STPG2: variants seen among roughly 807,000 people sequenced by gnomAD.
STPG2 encodes the protein sperm-tail PG-rich repeat-containing protein 2.
In STPG2, 56 loss-of-function variants were observed where a neutral mutation model predicts 54.2. The observed-to-expected ratio is 1.03, with a 90% CI of 0.83 to 1.29. The LOEUF (loss-of-function observed/expected upper bound fraction) is 1.29, where lower values mean the gene tolerates loss of function less well. Among genes scored for constraint, STPG2 ranks in the 50% most tolerant of loss-of-function variants. STPG2 has a pLI of 0.00. For synonymous variants in STPG2, 200 were observed against 181.8 expected, an observed-to-expected ratio of 1.10 and a Z score of -0.81; for missense variants, 596 against 544.9, an observed-to-expected ratio of 1.09 and a Z score of -0.93.
At position 97,495,807 on chromosome 4, in the gene STPG2, GTAAAA is replaced by G. The variant is rs571117310; in HGVS notation, c.462+216887_462+216891del. Among the ~76,000 whole-genome samples the G allele has an allele frequency of 5.3e-5, 8 of 150,408 alleles. No individual in the cohort carries two copies. The South Asian group carries it at 6.3e-4, about 12-fold the overall frequency. ...ACATAAATTCCACATAAGAAGTTTG[GTAAAA>G]TAAAATAAAATAAAATAAGTAAATA... is the stretch of plus-strand genomic sequence containing the variant. On this transcript the variant is annotated intron_variant, in intron 4 of 4. Coordinates refer to the STPG2 transcript ENST00000522676.
chr4:97,890,765 T>A (rs1730738724), intron 8 of STPG2, among the ~76,000 whole-genome samples: 1 of 151,976 alleles, frequency 6.6e-6, no homozygotes, highest in Non-Finnish European at 1.5e-5. Context: ...TTATACACTA[T>A]ATAAAGGTAT....
intron 10 of STPG2, among the ~76,000 whole-genome samples, chr4:97,566,896 G>A (rs193029371): frequency 3.4e-5 from 5 of 148,748 alleles, no homozygotes; most frequent in South Asian, 2.2e-4. Flanking sequence ...GTGGTGGGAG[G>A]GGGGAGGGAT....
chr4:97,673,602 A>G (rs1293828126), intron 10 of STPG2, among the ~76,000 whole-genome samples: 4 of 152,102 alleles, frequency 2.6e-5, no homozygotes, highest in Admixed American at 2.6e-4. Flanking sequence ...TAAATTGTCA[A>G]CTGAGGCTTG....
At chr4:97,770,725 G>C (rs1726191841) in intron 9 of STPG2, among the ~76,000 whole-genome samples, 1 of 152,172 alleles carries the variant, frequency 6.6e-6, no homozygotes. Context: ...AGCACTTGCT[G>C]ATGAACTGGG....
intron 5 of STPG2, among the ~76,000 whole-genome samples, chr4:98,053,668 TTA>T (rs1435300081): frequency 6.6e-6 from 1 of 152,138 alleles, no homozygotes; most frequent in Non-Finnish European, 1.5e-5. Flanking sequence ...ACCAATAATT[TTA>T]TCTTTGTCCT....
chr4:97,990,698 A>G (rs1026822197), intron 5 of STPG2, among the ~76,000 whole-genome samples: 23 of 152,178 alleles, frequency 1.5e-4, no homozygotes, highest in Non-Finnish European at 3.2e-4. Flanking sequence ...CCAGACCTTG[A>G]AAGTATACTG....
chr4:97,980,934 A>G (rs1467943745), intron 6 of STPG2, among the ~76,000 whole-genome samples: 1 of 152,228 alleles, frequency 6.6e-6, no homozygotes, highest in African/African-American at 2.4e-5. Flanking sequence ...ACAGAAAATT[A>G]TAATTAGGAT....
At chr4:97,721,175 A>T (rs1424633330) in intron 9 of STPG2, among the ~76,000 whole-genome samples, 1 of 152,118 alleles carries the variant, frequency 6.6e-6, no homozygotes, top group African/African-American at 2.4e-5. Flanking sequence ...ATTTTTTGCT[A>T]GTAACAGAAA....
intron 9 of STPG2, among the ~76,000 whole-genome samples, chr4:97,738,814 G>C (rs1042689616): frequency 1.3e-5 from 2 of 152,072 alleles, no homozygotes; most frequent in East Asian, 1.9e-4. Flanking sequence ...AAGACAGAAA[G>C]TCAACAAGGA....
At chr4:97,973,682 G>T (rs548256839) in intron 6 of STPG2, among the ~76,000 whole-genome samples, 1 of 152,170 alleles carries the variant, frequency 6.6e-6, no homozygotes, top group Non-Finnish European at 1.5e-5. Flanking sequence ...TATGTGCATC[G>T]TAACGACTTG....
In STPG2 at chr4:97,710,140, C is replaced by G. The variant is rs556201161; in HGVS notation, c.1320+2559G>C. 3.3e-5 allele frequency among the ~76,000 whole-genome samples: 5 copies of G among 151,948 alleles called. No homozygotes were observed. In the South Asian group the frequency reaches 1.0e-3, roughly 32 times the overall value. On this transcript the variant is annotated intron_variant, in intron 10 of 10. Coordinates refer to ENST00000295268, the MANE Select transcript of STPG2 (RefSeq NM_174952.3). ...TGCACATTTTTTATGAGTATACACACATTTTCTCCCTAGCTTTTATTAGAT... is the reference window on the plus strand; with the variant it reads ...TGCACATTTTTTATGAGTATACACAGATTTTCTCCCTAGCTTTTATTAGAT...
At chr4:98,050,941 C>A (rs985331834) in intron 5 of STPG2, among the ~76,000 whole-genome samples, 2 of 151,296 alleles carry the variant, frequency 1.3e-5, no homozygotes, top group Non-Finnish European at 2.9e-5. Context: ...GGAGGCGGAG[C>A]TTGCAGTGAG....
chr4:97,934,729 A>C (rs1370144201), intron 8 of STPG2, among the ~76,000 whole-genome samples: 2 of 152,188 alleles, frequency 1.3e-5, no homozygotes, highest in Non-Finnish European at 2.9e-5. Flanking sequence ...GTTGTGGATA[A>C]GCTTTTTGAT....
rs1027988191 is a variant in STPG2, at chr4:97,450,254, A to G, written c.463-262421T>C. ...TGATTTATAGAAGAAAAACTGGGAA[A>G]CTTCCACTTATTCCCTCCTTCTTTT... is the stretch of plus-strand genomic sequence containing the variant. On this transcript the variant is annotated intron_variant, in intron 4 of 4. Coordinates refer to the STPG2 transcript ENST00000522676. Among the ~76,000 whole-genome samples the G allele has an allele frequency of 2.0e-5, 3 of 152,174 alleles. No individual in the cohort carries two copies. The East Asian group carries it at 5.8e-4, about 29-fold the overall frequency.
At chr4:97,741,199 T>C (rs1172912799) in intron 9 of STPG2, among the ~76,000 whole-genome samples, 5 of 152,176 alleles carry the variant, frequency 3.3e-5, no homozygotes, top group South Asian at 2.1e-4. Context: ...TTACACCTTA[T>C]ACAAAAATTA....
At chr4:97,765,082 G>A (rs978560645) in intron 9 of STPG2, among the ~76,000 whole-genome samples, 2 of 152,020 alleles carry the variant, frequency 1.3e-5, no homozygotes, top group African/African-American at 4.8e-5. Flanking sequence ...AAATTACCTG[G>A]TGTATAATAC....
chr4:97,638,794 G>A (rs1196574285), intron 10 of STPG2, among the ~76,000 whole-genome samples: 2 of 147,156 alleles, frequency 1.4e-5, no homozygotes, highest in African/African-American at 5.2e-5. Flanking sequence ...ACCACAATGA[G>A]ATACCATCTC....
chr4:97,541,703 C>G (rs1731710311), intron 4 of STPG2, among the ~76,000 whole-genome samples: 1 of 152,122 alleles, frequency 6.6e-6, no homozygotes, highest in Non-Finnish European at 1.5e-5. Flanking sequence ...AGGCATCACA[C>G]TATCTGACTT....
At chr4:97,828,066 TC>T (rs1227552144) in intron 9 of STPG2, among the ~76,000 whole-genome samples, 1 of 152,128 alleles carries the variant, frequency 6.6e-6, no homozygotes, top group African/African-American at 2.4e-5. Flanking sequence ...TTAAAAAGCC[TC>T]TATAAAATAA....
Sources: allele counts gnomAD v4.1 joint callset (sites outside exome capture counted in the v4.1 genomes callset), GRCh38; gene constraint gnomAD v4.1.1; transcripts MANE v1.5; gene names NCBI Gene and HGNC (gene_info 2026-07-23, HGNC 2026-07-21).